Variants in DLG2 observed in about 807,000 individuals in gnomAD.
DLG2 encodes discs large MAGUK scaffold protein 2, also known as disks large homolog 2.
A neutral mutation model predicts 132.5 loss-of-function variants in DLG2; 45 were observed. The ratio of observed to expected loss-of-function variants is 0.34; its 90% CI spans 0.27 to 0.44. The LOEUF (loss-of-function observed/expected upper bound fraction) is 0.44, where lower values mean the gene tolerates loss of function less well. DLG2 is among the 20% of genes least tolerant of loss of function. The pLI, the probability that DLG2 is intolerant of heterozygous loss-of-function variation, is 1.00. For missense variants in DLG2, 1,045 were observed against 1,196.9 expected, an observed-to-expected ratio of 0.87 and a Z score of 1.87; for synonymous variants, 424 against 419.6, an observed-to-expected ratio of 1.01 and a Z score of -0.13.
At chr11:85,177,308 C>T (rs1055780072) in intron 4 of DLG2, among the ~76,000 whole-genome samples, 5 of 149,566 alleles carry the variant, frequency 3.3e-5, no homozygotes, top group Non-Finnish European at 7.4e-5. Flanking sequence ...CACACACACA[C>T]ATACATACAT....
intron 3 of DLG2, among the ~76,000 whole-genome samples, chr11:85,338,973 T>A (rs2082309385): frequency 6.6e-6 from 1 of 152,130 alleles, no homozygotes; most frequent in African/African-American, 2.4e-5. Flanking sequence ...ATTACAGGGG[T>A]GAGCCACCAC....
chr11:84,739,670 G>T (rs1309093487), intron 6 of DLG2, among the ~76,000 whole-genome samples: 1 of 152,018 alleles, frequency 6.6e-6, no homozygotes, highest in Non-Finnish European at 1.5e-5. Flanking sequence ...AAGGAACCTG[G>T]GACTTTCATT....
chr11:85,264,981 G>A (rs2077131373), intron 4 of DLG2, among the ~76,000 whole-genome samples: 1 of 152,122 alleles, frequency 6.6e-6, no homozygotes, highest in African/African-American at 2.4e-5. Context: ...TTACATTCTA[G>A]TCATGCAGAG....
At position 84,056,693 on chromosome 11, in the gene DLG2, T is replaced by C. The variant is rs140280279; in HGVS notation, c.919+2622A>G. Among the ~76,000 whole-genome samples the C allele has an allele frequency of 1.5e-4, 23 of 152,272 alleles. No homozygotes were observed. The East Asian group carries it at 4.1e-3, about 27-fold the overall frequency. On this transcript the variant is annotated intron_variant, in intron 11 of 27. Coordinates refer to ENST00000376104, the MANE Select transcript of DLG2 (RefSeq NM_001142699.3). ...AGGTATCATCAGAGTTAGTGTAAAA[T>C]CCAGTTTAAGTATTCAACTTACTCT... is the stretch of plus-strand genomic sequence containing the variant.
chr11:83,999,472 C>T (rs1271952122), intron 11 of DLG2, among the ~76,000 whole-genome samples: 1 of 152,034 alleles, frequency 6.6e-6, no homozygotes, highest in Non-Finnish European at 1.5e-5. Flanking sequence ...ATGCCAAGTT[C>T]CCAGGGGCCT....
At chr11:84,987,532 T>C (rs759877025) in intron 6 of DLG2, among the ~76,000 whole-genome samples, 1 of 152,104 alleles carries the variant, frequency 6.6e-6, no homozygotes, top group South Asian at 2.1e-4. Context: ...TTTAAGGCCA[T>C]AGTCACCAAA....
intron 7 of DLG2, among the ~76,000 whole-genome samples, chr11:84,297,141 A>AAC (rs2098101423): frequency 1.3e-5 from 2 of 151,954 alleles, no homozygotes; most frequent in Non-Finnish European, 2.9e-5. Flanking sequence ...AAAAAAAAAA[A>AAC]ACACCTAGAC....
At chr11:84,724,305 A>G (rs182657537) in intron 6 of DLG2, among the ~76,000 whole-genome samples, 2 of 152,306 alleles carry the variant, frequency 1.3e-5, no homozygotes, top group East Asian at 3.9e-4. Flanking sequence ...AGTAAATTTG[A>G]GAAACCATTT....
At chr11:85,460,987 C>T (rs749445401) in intron 3 of DLG2, among the ~76,000 whole-genome samples, 5 of 151,816 alleles carry the variant, frequency 3.3e-5, no homozygotes, top group African/African-American at 7.3e-5. Context: ...CATTTATTGG[C>T]CTTCATTAGA....
At chr11:83,826,386 C>G (rs2052796109) in intron 17 of DLG2, among the ~76,000 whole-genome samples, 1 of 152,112 alleles carries the variant, frequency 6.6e-6, no homozygotes, top group African/African-American at 2.4e-5. Context: ...GTCTTGTGAT[C>G]AGGTGAGCAG....
intron 17 of DLG2, among the ~76,000 whole-genome samples, chr11:83,796,497 G>C (rs992616823): frequency 6.6e-6 from 1 of 152,140 alleles, no homozygotes; most frequent in African/African-American, 2.4e-5. Flanking sequence ...TTCTCACCAA[G>C]TGACCATTTG....
chr11:83,995,194 T>C (rs1165139822), intron 11 of DLG2, among the ~76,000 whole-genome samples: 5 of 152,144 alleles, frequency 3.3e-5, no homozygotes, highest in African/African-American at 4.8e-5. Flanking sequence ...GCAGTTCCTA[T>C]TGTCAAGGAT....
chr11:85,583,503 T>G (rs1358619002), intron 3 of DLG2, among the ~76,000 whole-genome samples: 3 of 151,958 alleles, frequency 2.0e-5, no homozygotes, highest in Admixed American at 6.6e-5. Context: ...ATATTCTATA[T>G]GGTATATCTG....
chr11:85,108,023 C>CAT (rs1456960587), intron 6 of DLG2, among the ~76,000 whole-genome samples: 1 of 147,364 alleles, frequency 6.8e-6, no homozygotes, highest in Non-Finnish European at 1.5e-5. Context: ...CACACACACA[C>CAT]ACACATCCAG....
At chr11:84,392,460 G>C (rs2098795840) in intron 7 of DLG2, among the ~76,000 whole-genome samples, 1 of 152,150 alleles carries the variant, frequency 6.6e-6, no homozygotes, top group Non-Finnish European at 1.5e-5. Context: ...TAGAGGTGTA[G>C]GTTAGTATTT....
intron 19 of DLG2, among the ~76,000 whole-genome samples, chr11:83,586,360 G>A (rs924011107): frequency 2.0e-5 from 3 of 152,212 alleles, no homozygotes; most frequent in Admixed American, 6.5e-5. Context: ...AGCACAGACA[G>A]ATGTGGGATA....
chr11:83,509,072 G>A (rs531059263), intron 21 of DLG2, among the ~76,000 whole-genome samples: 15 of 152,210 alleles, frequency 9.9e-5, no homozygotes, highest in Non-Finnish European at 1.8e-4. Context: ...ACGGGGTGAG[G>A]CCAGTGTGGT....
intron 18 of DLG2, among the ~76,000 whole-genome samples, chr11:83,743,449 T>A (rs72954555): frequency 0.063 from 7,766 of 123,366 alleles, 531 homozygotes; most frequent in Middle Eastern, 0.12. Context: ...TTTTTTTTTT[T>A]ATGACAGGGT....
rs377701257 is a variant in DLG2 at position 85,013,598 on chromosome 11, G to A, written c.357+98063C>T. On this transcript the variant is annotated intron_variant, in intron 6 of 27. Transcript: ENST00000376104. ...TGATTTGAAAAGTATGAGTGCAATT[G>A]TTCTAAATAATAAATAACAGGCACA... 2.0e-5 allele frequency among the ~76,000 whole-genome samples: 3 copies of A among 152,130 alleles called. No individual in the cohort carries two copies. The East Asian group carries it at 5.8e-4, about 29-fold the overall frequency.
Sources: allele counts gnomAD v4.1 joint callset (sites outside exome capture counted in the v4.1 genomes callset), GRCh38; gene constraint gnomAD v4.1.1; transcripts MANE v1.5; gene names NCBI Gene and HGNC (gene_info 2026-07-23, HGNC 2026-07-21).